The following SDK1 variants were observed in gnomAD, a reference collection of about 807,000 sequenced individuals.
SDK1 encodes the protein sidekick cell adhesion molecule 1.
SDK1 carries 157 observed loss-of-function variants against 245.5 expected under a neutral mutation model. The ratio of observed to expected loss-of-function variants is 0.64; its 90% confidence interval spans 0.56 to 0.73. The LOEUF is 0.73. Ranked by LOEUF, SDK1 falls within the 30% of genes least tolerant of loss-of-function variation. The probability of loss-of-function intolerance (pLI) is 0.00; values close to 1 mark genes in which losing one functional copy is unlikely to be tolerated. For synonymous variants in SDK1, 1,647 were observed against 1,278.5 expected, an observed-to-expected ratio of 1.29 and a Z score of -6.15; for missense variants, 3,583 against 3,002.3, an observed-to-expected ratio of 1.19 and a Z score of -4.52.
At chr7:3,551,625 G>C (rs766564840) in intron 1 of SDK1, among the ~76,000 whole-genome samples, 2 of 150,878 alleles carry the variant, frequency 1.3e-5, no homozygotes, top group Admixed American at 6.6e-5. Flanking sequence ...ACATCAATTT[G>C]GCTGACCTTA....
intron 1 of SDK1, among the ~76,000 whole-genome samples, chr7:3,425,415 A>G (rs1249313643): frequency 1.3e-5 from 2 of 152,220 alleles, no homozygotes; most frequent in Non-Finnish European, 2.9e-5. Flanking sequence ...TAACCCATTT[A>G]AATTGTCATC....
At chr7:4,193,218 ATT>A (rs1201135660) in intron 35 of SDK1, among the ~76,000 whole-genome samples, 39 of 128,300 alleles carry the variant, frequency 3.0e-4, no homozygotes, top group East Asian at 2.2e-3. Context: ...TAATATATAT[ATT>A]GTATATTAAT....
intron 12 of SDK1, among the ~76,000 whole-genome samples, chr7:3,972,939 G>A (rs549570295): frequency 6.6e-6 from 1 of 152,326 alleles, no homozygotes; most frequent in South Asian, 2.1e-4. Flanking sequence ...CCACCCTGGA[G>A]ACGGTCGTCA....
chr7:4,108,322 C>A (rs979496245), intron 22 of SDK1, among the ~76,000 whole-genome samples: 1 of 152,216 alleles, frequency 6.6e-6, no homozygotes, highest in African/African-American at 2.4e-5. Context: ...GATGAGTGTT[C>A]TGTGGAACCT....
chr7:3,422,058 G>A (rs1779549493), intron 1 of SDK1, among the ~76,000 whole-genome samples: 1 of 152,140 alleles, frequency 6.6e-6, no homozygotes, highest in Admixed American at 6.5e-5. Flanking sequence ...GAAATTAGAA[G>A]ATATGAGGCC....
At chr7:3,896,072 T>G (rs2128103643) in intron 5 of SDK1, among the ~76,000 whole-genome samples, 1 of 152,344 alleles carries the variant, frequency 6.6e-6, no homozygotes, top group South Asian at 2.1e-4. Context: ...GAGTGTTCTG[T>G]AAATATCAAT....
chr7:3,484,610 TTCCTC>T lies in SDK1; in HGVS notation c.299-134468_299-134464del, dbSNP rs1450576073. The stretch of plus-strand genomic sequence containing the variant: ...CTGTTGAACACTAGAACTTATTCCT[TTCCTC>T]TAACTGTGGTTTTGTATCCATAACC... On this transcript the variant is annotated intron_variant, in intron 1 of 44. Transcript: ENST00000404826. 4.6e-5 allele frequency among the ~76,000 whole-genome samples: 7 copies of T among 152,294 alleles called. No individual in the cohort carries two copies. The East Asian group carries it at 1.4e-3, about 29-fold the overall frequency.
intron 1 of SDK1, among the ~76,000 whole-genome samples, chr7:3,333,789 A>G (rs974901717): frequency 4.6e-5 from 7 of 152,228 alleles, no homozygotes; most frequent in African/African-American, 1.7e-4. Flanking sequence ...AGTTTATTAC[A>G]GGGAATTAAA....
chr7:3,776,625 C>G (rs1780571922), intron 4 of SDK1, among the ~76,000 whole-genome samples: 1 of 152,044 alleles, frequency 6.6e-6, no homozygotes. Flanking sequence ...AGCTGTCACT[C>G]TGGATGATAG....
In SDK1 at chr7:3,619,341, A is replaced by G. The variant is rs1781864745; in HGVS notation, c.458+102A>G. ...CACAATGAGTGAAAATATTGGATTGAATTTCTAATGCATTCAAGATTAAAG... is the reference window on the plus strand; with the variant it reads ...CACAATGAGTGAAAATATTGGATTGGATTTCTAATGCATTCAAGATTAAAG... On this transcript the variant is annotated intron_variant, in intron 2 of 44. Coordinates refer to ENST00000404826, the MANE Select transcript of SDK1 (RefSeq NM_152744.4). 21 of 923,588 alleles carry G rather than the reference A, an allele frequency of 2.3e-5. 1 individual carries two copies. In the South Asian group the frequency reaches 4.1e-4, roughly 18 times the overall value. 57.2% of individuals were successfully genotyped at this position (923,588 alleles called of 1,614,324 possible).
At chr7:3,574,832 A>G (rs1421992565) in intron 1 of SDK1, among the ~76,000 whole-genome samples, 1 of 152,118 alleles carries the variant, frequency 6.6e-6, no homozygotes, top group Middle Eastern at 3.2e-3. Flanking sequence ...TGATATGACC[A>G]TGTTAGAATT....
intron 4 of SDK1, among the ~76,000 whole-genome samples, chr7:3,745,680 C>T (rs1369805079): frequency 6.6e-6 from 1 of 152,136 alleles, no homozygotes; most frequent in East Asian, 1.9e-4. Context: ...TAAAACTCCC[C>T]TGTTGCACCC....
intron 22 of SDK1, among the ~76,000 whole-genome samples, chr7:4,103,462 C>G (rs1782704880): frequency 6.6e-6 from 1 of 152,012 alleles, no homozygotes; most frequent in Non-Finnish European, 1.5e-5. Flanking sequence ...ACTCCTGTCT[C>G]TCACGAAAAA....
chr7:4,259,799 C>A (rs952715296), intron 44 of SDK1, among the ~76,000 whole-genome samples: 1 of 152,160 alleles, frequency 6.6e-6, no homozygotes, highest in Non-Finnish European at 1.5e-5. Context: ...ACCTGTTGCG[C>A]GGATCCTAGA....
rs947930886 is a variant in SDK1 at position 3,551,447 on chromosome 7, C to T, written c.299-67633C>T. Among the ~76,000 whole-genome samples, 10 of 152,256 alleles carry T rather than the reference C, an allele frequency of 6.6e-5. No individual in the cohort carries two copies. The Middle Eastern group carries it at 0.01, about 155-fold the overall frequency. On this transcript the variant is annotated intron_variant, in intron 1 of 44. Transcript: ENST00000404826. ...TCCCTCATTTCTTGGGTCAAGCAAG[C>T]CTAAAGTTGGACACAACCTTTAAAA... is the stretch of plus-strand genomic sequence containing the variant.
intron 4 of SDK1, among the ~76,000 whole-genome samples, chr7:3,697,721 C>T: frequency 6.6e-6 from 1 of 152,164 alleles, no homozygotes; most frequent in East Asian, 1.9e-4. Context: ...TTCACTCCTA[C>T]AGTAGGTTTT....
At chr7:4,008,346 A>T (rs6462529) in intron 14 of SDK1, among the ~76,000 whole-genome samples, 68,344 of 152,184 alleles carry the variant, frequency 0.45, 17,780 homozygotes, top group African/African-American at 0.74. Flanking sequence ...AAGTGAACAC[A>T]CGAACAAAAG....
Position 3,962,726 on chromosome 7 carries a change from A to G in SDK1, c.1304A>G (p.Tyr435Cys), listed in dbSNP as rs762704112. 1.1e-5 allele frequency: 18 copies of G among 1,613,672 alleles called. No homozygotes were observed. In the East Asian group the frequency reaches 3.3e-4, roughly 30 times the overall value. Reference protein sequence around the residue: ...ISISRLQNPRYKVLASGGLRI... With the variant: ...ISISRLQNPRCKVLASGGLRI... ...ATCAGCAGGCTCCAGAATCCTCGAT[A>G]CAAAGTGCTCGCCAGCGGAGGCCTG... Residue 435 changes from tyrosine to cysteine, a missense_variant, in exon 9 of 45, where the codon TAC becomes TGC. Physicochemically the swap from Tyr to Cys is radical, Grantham distance 194 (BLOSUM62 -2). Transcript: ENST00000404826.
chr7:3,851,369 TTAA>T (rs1230083035), intron 5 of SDK1, among the ~76,000 whole-genome samples: 2 of 152,208 alleles, frequency 1.3e-5, no homozygotes, highest in Admixed American at 6.5e-5. Flanking sequence ...CCTTTTTATG[TTAA>T]TAATATAAGT....
Sources: gnomAD v4.1 joint callset for allele counts (sites outside exome capture counted in the v4.1 genomes callset) on GRCh38, gnomAD v4.1.1 for gene constraint, MANE v1.5 for transcripts, NCBI Gene and HGNC (gene_info 2026-07-23, HGNC 2026-07-21) for gene names.